The following SMG1 variants were observed in gnomAD, a reference collection of about 807,000 sequenced individuals.
SMG1 encodes the protein SMG1 nonsense mediated mRNA decay associated PI3K related kinase.
A neutral mutation model predicts 419.9 loss-of-function variants in SMG1; 22 were observed. The observed-to-expected ratio is 0.05, with a 90% confidence interval of 0.04 to 0.07. The LOEUF (loss-of-function observed/expected upper bound fraction) is 0.07. SMG1 is among the 10% of genes least tolerant of loss of function. SMG1 has a pLI of 1.00. For missense variants in SMG1, 3,185 were observed against 4,342.0 expected (o/e 0.73, Z 7.49); for synonymous variants, 1,538 against 1,553.5 (o/e 0.99, Z 0.23).
chr16:18,876,520 T>C (rs2036140648), intron 12 of SMG1, 127 bp from the exon 13 acceptor site: 1 of 1,215,598 alleles, frequency 8.2e-7, no homozygotes, highest in East Asian at 2.5e-5. Flanking sequence ...CAATTCACTG[T>C]CCGTAGCACT....
At chr16:18,886,302 A>C (rs1007925645) in intron 6 of SMG1, among the ~76,000 whole-genome samples, 2 of 152,214 alleles carry the variant, frequency 1.3e-5, no homozygotes, top group African/African-American at 4.8e-5. Flanking sequence ...TCAGTATGGG[A>C]CCACACATAA....
At chr16:18,891,451 T>TTC (rs1555503398) in intron 4 of SMG1, among the ~76,000 whole-genome samples, 3 of 151,862 alleles carry the variant, frequency 2.0e-5, no homozygotes, top group Non-Finnish European at 4.4e-5. Flanking sequence ...TTTTTTTTTT[T>TTC]CAAGATGGAG....
chr16:18,830,497 A>G, intron 51 of SMG1, 128 bp from the exon 52 acceptor site: 1 of 1,104,228 alleles, frequency 9.1e-7, no homozygotes, highest in Non-Finnish European at 1.3e-6. Flanking sequence ...ATTAAGAAGA[A>G]GTGTTATTAG....
Position 18,848,030 on chromosome 16 carries a change from T to C in SMG1, c.5627A>G (p.Asn1876Ser). 1 of 1,611,524 alleles carries C rather than the reference T, an allele frequency of 6.2e-7. No individual in the cohort carries two copies. Among genetic ancestry groups the C allele is most frequent in the African/African-American group, 1.3e-5 (1 of 75,008 alleles). Residue 1876 changes from asparagine (N) to serine (S), a missense_variant, in exon 37 of 63, where the codon AAT becomes AGT. By Grantham distance (46) the Asn-to-Ser change is conservative (BLOSUM62 1). Around this residue, in one of 27 missense-constraint regions of SMG1, gnomAD observed 130 missense variants for 162.0 expected, o/e 0.80. Coordinates refer to ENST00000446231, the MANE Select transcript of SMG1 (RefSeq NM_015092.5). ...AGTTGGAATTGCAGTGGAAAATTTATTTCCTGTAATGAAATAGGAGAACAA... is the reference window on the plus strand; with the variant it reads ...AGTTGGAATTGCAGTGGAAAATTTACTTCCTGTAATGAAATAGGAGAACAA... ...SLSSESQASGNKFSTAIPTLL... is the reference protein window; with the variant it reads ...SLSSESQASGSKFSTAIPTLL...
chr16:18,841,492 T>C, intron 41 of SMG1, 73 bp downstream of exon 41: 1 of 1,397,814 alleles, frequency 7.2e-7, no homozygotes, highest in Non-Finnish European at 1.0e-6. Flanking sequence ...GCAAAAATGG[T>C]CCAGTAAGTC....
intron 1 of SMG1, among the ~76,000 whole-genome samples, chr16:18,899,584 A>C (rs2037268180): frequency 6.6e-6 from 1 of 152,192 alleles, no homozygotes; most frequent in Non-Finnish European, 1.5e-5. Context: ...AAAAAATGTC[A>C]ATGTCAGGCT....
chr16:18,919,653 TATATACACACACAC>T (rs1486959086), intron 1 of SMG1, among the ~76,000 whole-genome samples: 3 of 77,008 alleles, frequency 3.9e-5, no homozygotes, highest in African/African-American at 1.8e-4. Flanking sequence ...TGTGTGTGTA[TATATACACACACAC>T]ACACACACAC....
chr16:18,847,050 T>TA (rs200278464), intron 38 of SMG1, among the ~76,000 whole-genome samples: 1,043 of 90,278 alleles, frequency 0.012, 9 homozygotes, highest in African/African-American at 0.042. Flanking sequence ...TATTCAGCGA[T>TA]AAAAAAATGA....
Position 18,876,276 on chromosome 16 carries a change from G to A in SMG1, c.1738C>T (p.Leu580=). Residue 580 remains leucine (L), a synonymous_variant, in exon 13 of 63, where the codon CTA becomes TTA. Coordinates refer to ENST00000446231, the MANE Select transcript of SMG1 (RefSeq NM_015092.5). ...GCCTCAGGAAGTTGTAGACTGTGTA[G>A]GAGGTTGTTTAGGGCACAAGTCATT... The part of the protein sequence containing the change: ...GEMTCALNNL[L]HSLQLPEACS... 6.2e-7 allele frequency: 1 copy of A among 1,611,754 alleles called. No homozygotes were observed. The highest frequency in any genetic ancestry group is 8.5e-7 in the Non-Finnish European group (1 of 1,179,690).
At chr16:18,856,989 T>G (rs1271201521) in intron 29 of SMG1, 1 of 152,160 alleles carries the variant, frequency 6.6e-6, no homozygotes, top group Admixed American at 6.5e-5. Flanking sequence ...ATATAATCCT[T>G]ACAAGTATCT....
In SMG1 at chr16:18,868,363, T is replaced by C; in HGVS notation, c.3031-9A>G. ...AAAAAAGTTCTAATGACCTTTACGA[T>C]AAGAGAAAGAAAAGCTCAGGACTGG... On this transcript the variant is annotated splice_polypyrimidine_tract_variant and intron_variant, in intron 21 of 62. Coordinates refer to ENST00000446231, the MANE Select transcript of SMG1 (RefSeq NM_015092.5). 7.8e-7 allele frequency: 1 copy of C among 1,287,272 alleles called. No individual in the cohort carries two copies. Among genetic ancestry groups the C allele is most frequent in the South Asian group, 1.3e-5 (1 of 77,620 alleles). The allele number at this position is 1,287,272 out of a possible 1,614,324, so 79.7% of individuals were successfully genotyped here.
intron 13 of SMG1, among the ~76,000 whole-genome samples, chr16:18,874,128 A>T (rs1185758626): frequency 6.6e-6 from 1 of 152,008 alleles, no homozygotes; most frequent in Non-Finnish European, 1.5e-5. Context: ...TATGTCCATT[A>T]CTTTCTTTCT....
At chr16:18,831,337 A>T (rs2033157610) in intron 51 of SMG1, among the ~76,000 whole-genome samples, 1 of 152,174 alleles carries the variant, frequency 6.6e-6, no homozygotes, top group Non-Finnish European at 1.5e-5. Flanking sequence ...TACCCAAAAA[A>T]AGCTTCTCTG....
rs1261275128 is a variant in SMG1 at position 18,869,349 on chromosome 16, T to G, written c.2634-46A>C. 7 of 1,477,814 alleles carry G rather than the reference T, an allele frequency of 4.7e-6. No homozygotes were observed. In the South Asian group the frequency reaches 6.1e-5, roughly 13 times the overall value. The allele number at this position is 1,477,814 out of a possible 1,614,324, so 91.5% of individuals were successfully genotyped here. A position where few individuals can be genotyped will look rare whatever the true frequency, so the allele number is the denominator to read the frequency against. Reference sequence around the variant, plus strand: ...TTTAAAAGACAATGACAACTTCATTTTAATAATGAAAAAAAAAATGCAAGG... The same window carrying G: ...TTTAAAAGACAATGACAACTTCATTGTAATAATGAAAAAAAAAATGCAAGG... On this transcript the variant is annotated intron_variant, in intron 19 of 62. Coordinates refer to ENST00000446231, the MANE Select transcript of SMG1 (RefSeq NM_015092.5).
chr16:18,902,283 T>C (rs1414580881), intron 1 of SMG1, among the ~76,000 whole-genome samples: 1 of 152,174 alleles, frequency 6.6e-6, no homozygotes, highest in Admixed American at 6.5e-5. Flanking sequence ...TTCCCCGAAC[T>C]CTGCCCTATG....
chr16:18,829,247 T>C, intron 54 of SMG1, 39 bp downstream of exon 54: 3 of 1,524,262 alleles, frequency 2.0e-6, no homozygotes, highest in Non-Finnish European at 2.7e-6. Flanking sequence ...TCAAGTTTCC[T>C]ACCTTGAGGA....
chr16:18,859,928 G>C (rs529201098), intron 26 of SMG1, among the ~76,000 whole-genome samples: 9 of 152,248 alleles, frequency 5.9e-5, no homozygotes, highest in African/African-American at 2.2e-4. Flanking sequence ...CCAAAAATCA[G>C]TAAGTCGAGG....
intron 56 of SMG1, among the ~76,000 whole-genome samples, chr16:18,818,768 G>T (rs1225250685): frequency 6.8e-6 from 1 of 146,092 alleles, no homozygotes; most frequent in Non-Finnish European, 1.5e-5. Flanking sequence ...TAGTTTTTTT[G>T]GTTCTCCTCC....
chr16:18,849,449 A>C (rs1317871980), intron 35 of SMG1, 71 bp from the exon 36 acceptor site: 4 of 1,415,478 alleles, frequency 2.8e-6, no homozygotes, highest in South Asian at 1.3e-5. Flanking sequence ...AGCATCGTAG[A>C]TCAAACAGAT....
Sources: allele counts gnomAD v4.1 joint callset (sites outside exome capture counted in the v4.1 genomes callset), GRCh38; gene constraint gnomAD v4.1.1; regional missense constraint gnomAD v4.1.1; transcripts MANE v1.5; gene names NCBI Gene and HGNC (gene_info 2026-07-23, HGNC 2026-07-21).